MACROD2: variants seen among roughly 807,000 people sequenced by gnomAD.
MACROD2 encodes mono-ADP ribosylhydrolase 2.
Under a neutral mutation model 70.4 loss-of-function variants are expected in MACROD2, and 36 were observed. That is an observed-to-expected ratio of 0.51 (90% CI 0.39 to 0.68). The LOEUF (loss-of-function observed/expected upper bound fraction) is 0.68. Among genes scored for constraint, MACROD2 ranks in the 30% least tolerant of loss-of-function variants. MACROD2 has a pLI of 0.00. For synonymous variants in MACROD2, 172 were observed against 178.8 expected (o/e 0.96, Z 0.30); for missense variants, 496 against 538.4 (o/e 0.92, Z 0.78).
intron 5 of MACROD2, among the ~76,000 whole-genome samples, chr20:14,920,397 T>A (rs147960988): frequency 7.4e-4 from 113 of 152,314 alleles, no homozygotes; most frequent in African/African-American, 2.4e-3. Context: ...TAATGTTTCC[T>A]AAATGTAAAT....
intron 9 of MACROD2, among the ~76,000 whole-genome samples, chr20:15,876,050 T>C (rs1199160243): frequency 6.7e-6 from 1 of 148,186 alleles, no homozygotes; most frequent in African/African-American, 2.5e-5. Flanking sequence ...TATATTCCAC[T>C]TTATGTATGA....
At chr20:14,909,590 A>G (rs1172390031) in intron 5 of MACROD2, among the ~76,000 whole-genome samples, 1 of 151,996 alleles carries the variant, frequency 6.6e-6, no homozygotes, top group African/African-American at 2.4e-5. Flanking sequence ...AGCCACCTGT[A>G]TAGCTGCTGT....
intron 8 of MACROD2, among the ~76,000 whole-genome samples, chr20:15,586,274 G>C (rs1287386748): frequency 1.3e-5 from 2 of 152,092 alleles, no homozygotes; most frequent in African/African-American, 4.8e-5. Context: ...TCTGGTGTGG[G>C]GCCTTAGGAT....
At chr20:15,066,817 G>A (rs2075579532) in intron 5 of MACROD2, among the ~76,000 whole-genome samples, 1 of 151,944 alleles carries the variant, frequency 6.6e-6, no homozygotes, top group African/African-American at 2.4e-5. Context: ...GCAAGGCGGA[G>A]GTTGCAGTGA....
intron 8 of MACROD2, among the ~76,000 whole-genome samples, chr20:15,502,366 A>G (rs2047374996): frequency 6.6e-6 from 1 of 152,148 alleles, no homozygotes; most frequent in Admixed American, 6.6e-5. Flanking sequence ...ATGAGACCCA[A>G]TGTGGTTGAA....
At chr20:14,878,082 C>T (rs766855290) in intron 5 of MACROD2, among the ~76,000 whole-genome samples, 5 of 152,056 alleles carry the variant, frequency 3.3e-5, no homozygotes, top group South Asian at 4.1e-4. Flanking sequence ...TACCTGTAAG[C>T]GTAATTTTGC....
chr20:15,611,876 C>A (rs903847557), intron 8 of MACROD2, among the ~76,000 whole-genome samples: 1 of 145,520 alleles, frequency 6.9e-6, no homozygotes, highest in Non-Finnish European at 1.5e-5. Context: ...GGGGATTGGG[C>A]ATCCTAGATC....
intron 5 of MACROD2, among the ~76,000 whole-genome samples, chr20:15,156,068 T>C (rs2145867927): frequency 6.6e-6 from 1 of 152,300 alleles, no homozygotes; most frequent in East Asian, 1.9e-4. Flanking sequence ...TGATGGTACT[T>C]ACACAGGTGC....
intron 6 of MACROD2, among the ~76,000 whole-genome samples, chr20:15,392,754 CCT>C (rs2045810098): frequency 6.6e-6 from 1 of 151,992 alleles, no homozygotes; most frequent in Non-Finnish European, 1.5e-5. Context: ...TATTTTCCTC[CCT>C]GTTTTTCTTC....
intron 5 of MACROD2, among the ~76,000 whole-genome samples, chr20:14,827,893 T>C: frequency 6.6e-6 from 1 of 152,034 alleles, no homozygotes; most frequent in East Asian, 1.9e-4. Context: ...CTATCTAATA[T>C]CTAATAGTCT....
intron 3 of MACROD2, among the ~76,000 whole-genome samples, chr20:14,417,522 T>C (rs554999919): frequency 5.3e-5 from 8 of 152,340 alleles, no homozygotes; most frequent in Admixed American, 5.2e-4. Context: ...TATTTCTTTA[T>C]ATCCTTTACT....
chr20:14,078,304 G>A lies in MACROD2; in HGVS notation c.164-7317G>A, dbSNP rs560754848. 6.4e-4 allele frequency among the ~76,000 whole-genome samples: 98 copies of A among 152,274 alleles called. 1 individual carries two copies. Among genetic ancestry groups the A allele is most frequent in the African/African-American group, 2.2e-3 (91 of 41,564 alleles). On this transcript the variant is annotated intron_variant, in intron 2 of 17. Transcript: ENST00000684519. ...TTTTCTATGTCATCTCCTTTTAAGAGAACTTAACTATTGTTTCATAGTTAT... is the reference window on the plus strand; with the variant it reads ...TTTTCTATGTCATCTCCTTTTAAGAAAACTTAACTATTGTTTCATAGTTAT...
chr20:14,739,967 A>C (rs2071713956), intron 5 of MACROD2, among the ~76,000 whole-genome samples: 1 of 152,032 alleles, frequency 6.6e-6, no homozygotes, highest in African/African-American at 2.4e-5. Context: ...TTAAAGTAAA[A>C]ATTTTCAAAG....
At chr20:15,942,184 A>G (rs2065759808) in intron 12 of MACROD2, among the ~76,000 whole-genome samples, 1 of 152,136 alleles carries the variant, frequency 6.6e-6, no homozygotes, top group Non-Finnish European at 1.5e-5. Context: ...GTACTTGCTA[A>G]CTGTGCCAGC....
intron 5 of MACROD2, among the ~76,000 whole-genome samples, chr20:15,170,642 C>T (rs1433368697): frequency 1.3e-5 from 2 of 152,216 alleles, no homozygotes; most frequent in South Asian, 2.1e-4. Flanking sequence ...CCTCAGAGCT[C>T]CCACAGATTC....
chr20:15,217,609 C>A (rs188816182), intron 5 of MACROD2, among the ~76,000 whole-genome samples: 263 of 152,224 alleles, frequency 1.7e-3, no homozygotes, highest in South Asian at 0.017. Context: ...CCCATTTTTA[C>A]TGCCGCTAAT....
chr20:14,790,112 T>C (rs1295043064), intron 5 of MACROD2, among the ~76,000 whole-genome samples: 2 of 152,110 alleles, frequency 1.3e-5, no homozygotes, highest in Non-Finnish European at 2.9e-5. Flanking sequence ...AATTGGCAAC[T>C]TTTTTCTCCT....
intron 8 of MACROD2, among the ~76,000 whole-genome samples, chr20:15,592,449 G>A (rs1043956440): frequency 6.6e-6 from 1 of 152,188 alleles, no homozygotes; most frequent in Admixed American, 6.5e-5. Flanking sequence ...TAGGCAGGAA[G>A]GCCTGCAACA....
At chr20:14,478,590 A>G (rs1266957663) in intron 3 of MACROD2, among the ~76,000 whole-genome samples, 1 of 152,114 alleles carries the variant, frequency 6.6e-6, no homozygotes, top group Non-Finnish European at 1.5e-5. Context: ...CTCTTTCACA[A>G]AATTTGTGAC....
Sources: allele counts gnomAD v4.1 joint callset (sites outside exome capture counted in the v4.1 genomes callset), GRCh38; gene constraint gnomAD v4.1.1; transcripts MANE v1.5; gene names NCBI Gene and HGNC (gene_info 2026-07-23, HGNC 2026-07-21).